SPAG16: variants seen among roughly 807,000 people sequenced by gnomAD.
SPAG16 encodes sperm associated antigen 16, also known as sperm-associated antigen 16 protein.
In SPAG16, 86 loss-of-function variants were observed where a neutral mutation model predicts 80.4. The observed-to-expected ratio is 1.07, with a 90% confidence interval of 0.90 to 1.28. The LOEUF is 1.28. Ranked by LOEUF, SPAG16 falls within the 50% of genes most tolerant of loss-of-function variation. SPAG16 has a pLI of 0.00. For synonymous variants in SPAG16, 294 were observed against 265.9 expected (o/e 1.11, Z -1.03); for missense variants, 870 against 765.3 (o/e 1.14, Z -1.61).
chr2:213,673,762 G>A, intron 10 of SPAG16, among the ~76,000 whole-genome samples: 1 of 151,702 alleles, frequency 6.6e-6, no homozygotes, highest in Non-Finnish European at 1.5e-5. Flanking sequence ...TTCCCAATAA[G>A]CCTAAATTAA....
chr2:214,398,653 C>T (rs745404208), intron 15 of SPAG16, among the ~76,000 whole-genome samples: 2 of 152,188 alleles, frequency 1.3e-5, no homozygotes, highest in Admixed American at 6.5e-5. Flanking sequence ...GCCAGGTCAT[C>T]GGAATGTAAT....
chr2:214,207,872 T>C (rs2058188838), intron 15 of SPAG16, among the ~76,000 whole-genome samples: 3 of 152,236 alleles, frequency 2.0e-5, no homozygotes, highest in Admixed American at 6.5e-5. Context: ...CTTCCTGCCC[T>C]TGGACATCAG....
At chr2:213,472,453 G>T (rs1208526604) in intron 9 of SPAG16, among the ~76,000 whole-genome samples, 3 of 152,132 alleles carry the variant, frequency 2.0e-5, no homozygotes, top group African/African-American at 7.2e-5. Flanking sequence ...ACAGGAATGT[G>T]GTGGGAATCA....
rs111902436 is a variant in SPAG16 at position 214,385,731 on chromosome 2, C to A, written c.1721-24409C>A. Among the ~76,000 whole-genome samples, 229 of 152,246 alleles carry A rather than the reference C, an allele frequency of 1.5e-3. 1 individual carries two copies. Among genetic ancestry groups the A allele is most frequent in the Non-Finnish European group, 2.7e-3 (181 of 68,026 alleles). Reference sequence around the variant, plus strand: ...TGGTGGCACGCACCTGTAGTCCTAGCTGCTTGGGAGGCTGAGGCAGGAGAA... The same window carrying A: ...TGGTGGCACGCACCTGTAGTCCTAGATGCTTGGGAGGCTGAGGCAGGAGAA... On this transcript the variant is annotated intron_variant, in intron 15 of 15. Coordinates refer to ENST00000331683, the MANE Select transcript of SPAG16 (RefSeq NM_024532.5).
At chr2:214,079,703 T>A (rs2051267827) in intron 13 of SPAG16, among the ~76,000 whole-genome samples, 1 of 152,198 alleles carries the variant, frequency 6.6e-6, no homozygotes, top group South Asian at 2.1e-4. Flanking sequence ...AATCATTGGC[T>A]TGGACCACCT....
At chr2:214,149,693 T>C (rs1034551280) in intron 15 of SPAG16, among the ~76,000 whole-genome samples, 9 of 152,128 alleles carry the variant, frequency 5.9e-5, no homozygotes, top group African/African-American at 2.2e-4. Context: ...TTTAATGAAT[T>C]ACCCCATATT....
chr2:213,376,714 T>G (rs573734853), intron 9 of SPAG16, among the ~76,000 whole-genome samples: 2 of 152,298 alleles, frequency 1.3e-5, no homozygotes, highest in East Asian at 3.8e-4. Flanking sequence ...TTGTCATAAT[T>G]GATAACATTT....
At chr2:214,218,270 C>T (rs2058483122) in intron 15 of SPAG16, among the ~76,000 whole-genome samples, 2 of 152,228 alleles carry the variant, frequency 1.3e-5, no homozygotes, top group South Asian at 2.1e-4. Context: ...GGGACGGCCT[C>T]GAGGTCCCCT....
chr2:213,371,231 A>T (rs537686167), intron 8 of SPAG16, among the ~76,000 whole-genome samples: 4 of 151,648 alleles, frequency 2.6e-5, no homozygotes, highest in African/African-American at 9.7e-5. Flanking sequence ...ACATGGTAAA[A>T]CCCCGTCTAC....
At chr2:213,297,225 C>A in intron 2 of SPAG16, 37 bp from the exon 3 acceptor site, 1 of 1,526,276 alleles carries the variant, frequency 6.6e-7, no homozygotes, top group African/African-American at 1.4e-5. Flanking sequence ...TATATTTCTG[C>A]TCACTCTTCC....
chr2:214,237,064 G>C (rs1490715675), intron 15 of SPAG16, among the ~76,000 whole-genome samples: 1 of 152,048 alleles, frequency 6.6e-6, no homozygotes, highest in Admixed American at 6.6e-5. Flanking sequence ...TAAGCACCAG[G>C]ATATTTCTTA....
At chr2:214,410,016 A>G (rs1338479133) in intron 15 of SPAG16, 124 bp from the exon 16 acceptor site, 2 of 1,001,144 alleles carry the variant, frequency 2.0e-6, no homozygotes, top group African/African-American at 1.6e-5. Context: ...TGCATATTTA[A>G]TAACTGACCC....
chr2:213,548,330 A>G (rs546366758), intron 10 of SPAG16, among the ~76,000 whole-genome samples: 1 of 152,156 alleles, frequency 6.6e-6, no homozygotes, highest in South Asian at 2.1e-4. Context: ...CTCCTGCCTC[A>G]GCCTCGCGGG....
intron 9 of SPAG16, among the ~76,000 whole-genome samples, chr2:213,463,428 C>T (rs542330798): frequency 6.6e-6 from 1 of 152,344 alleles, no homozygotes; most frequent in South Asian, 2.1e-4. Context: ...CCTCCCATTA[C>T]AGGCCAGGAG....
intron 9 of SPAG16, among the ~76,000 whole-genome samples, chr2:213,390,181 G>A (rs1389279317): frequency 6.6e-6 from 1 of 152,170 alleles, no homozygotes; most frequent in African/African-American, 2.4e-5. Flanking sequence ...ACTTTGAGTG[G>A]TGAAAATTAT....
chr2:213,987,614 C>A (rs910746512), intron 12 of SPAG16, among the ~76,000 whole-genome samples: 1 of 151,836 alleles, frequency 6.6e-6, no homozygotes, highest in Non-Finnish European at 1.5e-5. Context: ...TAAACTCGGA[C>A]AATTGTAGCT....
chr2:213,476,456 C>T (rs2073394776), intron 9 of SPAG16, among the ~76,000 whole-genome samples: 1 of 152,170 alleles, frequency 6.6e-6, no homozygotes, highest in African/African-American at 2.4e-5. Flanking sequence ...AAATCCTCCC[C>T]TGCAAGCCTG....
chr2:214,011,065 AT>A (rs1297804847), intron 12 of SPAG16, among the ~76,000 whole-genome samples: 1 of 145,048 alleles, frequency 6.9e-6, no homozygotes, highest in Non-Finnish European at 1.5e-5. Context: ...TACTTATTTT[AT>A]TGTTAAATTT....
At chr2:213,357,178 A>G (rs1282641389) in intron 7 of SPAG16, among the ~76,000 whole-genome samples, 105 of 152,252 alleles carry the variant, frequency 6.9e-4, no homozygotes, top group African/African-American at 2.4e-3. Context: ...ACTTCCAATT[A>G]TATGGTCAAT....
Sources: allele counts gnomAD v4.1 joint callset (sites outside exome capture counted in the v4.1 genomes callset), GRCh38; gene constraint gnomAD v4.1.1; transcripts MANE v1.5; gene names NCBI Gene and HGNC (gene_info 2026-07-23, HGNC 2026-07-21).